Variants in FSTL4 observed in about 807,000 individuals in gnomAD.
FSTL4 encodes follistatin like 4, also known as follistatin-related protein 4.
FSTL4 carries 28 observed loss-of-function variants against 78.2 expected under a neutral mutation model. The ratio of observed to expected loss-of-function variants is 0.36; its 90% CI spans 0.27 to 0.49. The LOEUF is 0.49. FSTL4 is among the 20% of genes least tolerant of loss of function. FSTL4 has a pLI of 0.98. For missense variants in FSTL4, 922 were observed against 1,084.9 expected (o/e 0.85, Z 2.11); for synonymous variants, 422 against 440.5 (o/e 0.96, Z 0.53).
chr5:133,447,205 C>T (rs932323590), intron 3 of FSTL4, among the ~76,000 whole-genome samples: 3 of 152,148 alleles, frequency 2.0e-5, no homozygotes, highest in Non-Finnish European at 2.9e-5. Context: ...GTGTGACAGC[C>T]GGGGAAGTCA....
chr5:133,628,696 G>C, the FSTL4 span, among the ~76,000 whole-genome samples: 3 of 151,954 alleles, frequency 2.0e-5, no homozygotes, highest in African/African-American at 7.3e-5. Flanking sequence ...TAGCTAAATA[G>C]ATAGGCCGCT....
At chr5:133,668,240 A>T in the FSTL4 span, among the ~76,000 whole-genome samples, 1 of 152,172 alleles carries the variant, frequency 6.6e-6, no homozygotes, top group Admixed American at 6.5e-5. Flanking sequence ...AGGAACTAAG[A>T]AACCCTCAGG....
chr5:133,381,785 G>C (rs865974724), intron 4 of FSTL4, among the ~76,000 whole-genome samples: 1 of 152,192 alleles, frequency 6.6e-6, no homozygotes, highest in African/African-American at 2.4e-5. Context: ...CCTTGCACGT[G>C]GACACAGCTA....
chr5:133,573,355 TATC>T (rs1760203331), intron 2 of FSTL4, among the ~76,000 whole-genome samples: 1 of 152,150 alleles, frequency 6.6e-6, no homozygotes, highest in Non-Finnish European at 1.5e-5. Context: ...ACAAGAGACA[TATC>T]ATAAATATAT....
chr5:133,542,469 T>C (rs1309428206), intron 3 of FSTL4, among the ~76,000 whole-genome samples: 1 of 152,216 alleles, frequency 6.6e-6, no homozygotes, highest in Non-Finnish European at 1.5e-5. Context: ...GTTTATGTTA[T>C]TCTCATCAAT....
At chr5:133,672,778 T>C in the FSTL4 span, among the ~76,000 whole-genome samples, 230 of 152,260 alleles carry the variant, frequency 1.5e-3, no homozygotes, top group Non-Finnish European at 2.4e-3. Flanking sequence ...TCCCAAGAGA[T>C]TTGGAAGAAT....
intron 3 of FSTL4, among the ~76,000 whole-genome samples, chr5:133,562,940 C>T (rs983487108): frequency 6.6e-5 from 10 of 152,088 alleles, no homozygotes; most frequent in East Asian, 1.9e-4. Context: ...ACAGTGGACA[C>T]GGGAGTATCT....
At chr5:133,256,737 G>A (rs931332627) in intron 6 of FSTL4, among the ~76,000 whole-genome samples, 2 of 152,218 alleles carry the variant, frequency 1.3e-5, no homozygotes, top group African/African-American at 4.8e-5. Flanking sequence ...AGCCAGACTT[G>A]CTCCAAAGCC....
the FSTL4 span, among the ~76,000 whole-genome samples, chr5:133,667,385 C>T: frequency 2.0e-5 from 3 of 152,212 alleles, no homozygotes; most frequent in African/African-American, 7.2e-5. Context: ...CTGACTTTAA[C>T]ACTGCAGCCA....
chr5:133,751,483 T>C, the FSTL4 span, among the ~76,000 whole-genome samples: 1 of 152,228 alleles, frequency 6.6e-6, no homozygotes. Flanking sequence ...TAGTGTTCAA[T>C]GGAAGAGTTG....
chr5:133,335,693 C>T (rs957577151), intron 4 of FSTL4, among the ~76,000 whole-genome samples: 2 of 149,780 alleles, frequency 1.3e-5, no homozygotes, highest in East Asian at 4.0e-4. Context: ...GGGGGGGTGG[C>T]AATCAGAGTC....
the FSTL4 span, among the ~76,000 whole-genome samples, chr5:133,659,704 T>C: frequency 6.6e-6 from 1 of 151,924 alleles, no homozygotes; most frequent in Non-Finnish European, 1.5e-5. Flanking sequence ...TCCTTTCTTA[T>C]ATTCTATTAA....
At chr5:133,395,068 T>C (rs7445245) in intron 4 of FSTL4, among the ~76,000 whole-genome samples, 13,747 of 152,130 alleles carry the variant, frequency 0.09, 963 homozygotes, top group East Asian at 0.39. Context: ...ATCAGCGCTC[T>C]GTAAAACAGA....
chr5:133,399,435 T>G (rs764120930), intron 4 of FSTL4, among the ~76,000 whole-genome samples: 5 of 152,222 alleles, frequency 3.3e-5, no homozygotes, highest in Non-Finnish European at 7.3e-5. Context: ...AAAGGCACAT[T>G]TCCCAAGCCC....
the FSTL4 span, among the ~76,000 whole-genome samples, chr5:133,742,099 C>T: frequency 6.6e-6 from 1 of 152,262 alleles, no homozygotes; most frequent in Admixed American, 6.5e-5. Context: ...ACATCAGTGC[C>T]ATGGACCCCT....
chr5:133,254,458 G>T (rs1175969818), intron 6 of FSTL4, among the ~76,000 whole-genome samples: 1 of 152,354 alleles, frequency 6.6e-6, no homozygotes, highest in East Asian at 1.9e-4. Context: ...GGCCTGGGCC[G>T]TGTGGCCACC....
chr5:133,819,596 C>T, the FSTL4 span, among the ~76,000 whole-genome samples: 6 of 152,184 alleles, frequency 3.9e-5, no homozygotes, highest in Admixed American at 2.6e-4. Flanking sequence ...CCGTTGGAGG[C>T]GCAGGCAGGT....
At chr5:133,676,963 T>C in the FSTL4 span, among the ~76,000 whole-genome samples, 1 of 152,266 alleles carries the variant, frequency 6.6e-6, no homozygotes, top group Non-Finnish European at 1.5e-5. Flanking sequence ...TATAATGATG[T>C]GCTTCCCCAA....
chr5:133,712,000 C>G, the FSTL4 span, among the ~76,000 whole-genome samples: 1 of 152,280 alleles, frequency 6.6e-6, no homozygotes, highest in South Asian at 2.1e-4. Flanking sequence ...CAAGGTCACA[C>G]GGCTACAAAA....
Sources: gnomAD v4.1 joint callset for allele counts (sites outside exome capture counted in the v4.1 genomes callset) on GRCh38, gnomAD v4.1.1 for gene constraint, MANE v1.5 for transcripts, NCBI Gene and HGNC (gene_info 2026-07-23, HGNC 2026-07-21) for gene names.